SGCZ: variants seen among roughly 807,000 people sequenced by gnomAD.
SGCZ encodes sarcoglycan zeta, also known as zeta-sarcoglycan.
A neutral mutation model predicts 41.3 loss-of-function variants in SGCZ; 40 were observed. The ratio of observed to expected loss-of-function variants is 0.97; its 90% CI spans 0.75 to 1.26. The LOEUF is 1.26. SGCZ is among the 50% of genes most tolerant of loss of function. The pLI is 0.00. For missense variants in SGCZ, 552 were observed against 369.8 expected (o/e 1.49, Z -4.04); for synonymous variants, 206 against 137.5 (o/e 1.50, Z -3.49).
At chr8:14,511,117 G>C (rs545218324) in intron 2 of SGCZ, among the ~76,000 whole-genome samples, 1 of 150,934 alleles carries the variant, frequency 6.6e-6, no homozygotes, top group Non-Finnish European at 1.5e-5. Flanking sequence ...GTGCTGTCAA[G>C]TACCCTTACT....
In SGCZ at chr8:14,099,455, G is replaced by A. The variant is rs554484714; in HGVS notation, c.744+2921C>T. 3.5e-4 allele frequency among the ~76,000 whole-genome samples: 54 copies of A among 152,234 alleles called. 1 individual carries two copies. The South Asian group carries it at 8.3e-3, about 23-fold the overall frequency. The stretch of plus-strand genomic sequence containing the variant: ...CAAAAAATTGTTTTTGGTCAGGTGC[G>A]GTGGCTCACGCCTGTAATCCTTGCA... On this transcript the variant is annotated intron_variant, in intron 7 of 7. Coordinates refer to ENST00000382080, the MANE Select transcript of SGCZ (RefSeq NM_139167.4).
chr8:14,742,416 T>C (rs1799221102), intron 1 of SGCZ, among the ~76,000 whole-genome samples: 1 of 152,204 alleles, frequency 6.6e-6, no homozygotes, highest in Non-Finnish European at 1.5e-5. Context: ...CTTTTCTTAG[T>C]CTGGCCCATG....
At chr8:14,703,449 T>C (rs1809233159) in intron 1 of SGCZ, among the ~76,000 whole-genome samples, 1 of 151,948 alleles carries the variant, frequency 6.6e-6, no homozygotes, top group South Asian at 2.1e-4. Flanking sequence ...GATTTCCCTA[T>C]CTAGAGAATC....
At chr8:14,962,047 T>G (rs781141543) in intron 1 of SGCZ, among the ~76,000 whole-genome samples, 3 of 152,112 alleles carry the variant, frequency 2.0e-5, no homozygotes, top group Non-Finnish European at 4.4e-5. Context: ...GACCAAGTAA[T>G]AAGCATTCAA....
intron 1 of SGCZ, among the ~76,000 whole-genome samples, chr8:14,851,319 A>G (rs1803312905): frequency 6.9e-6 from 1 of 145,646 alleles, no homozygotes; most frequent in Admixed American, 7.2e-5. Context: ...CAGTAAGCCA[A>G]GATCATGCCA....
At chr8:14,777,052 A>G (rs1800426397) in intron 1 of SGCZ, among the ~76,000 whole-genome samples, 1 of 152,194 alleles carries the variant, frequency 6.6e-6, no homozygotes, top group African/African-American at 2.4e-5. Flanking sequence ...GGAGGAATGT[A>G]TGAATCCCAA....
intron 1 of SGCZ, among the ~76,000 whole-genome samples, chr8:14,599,277 T>C (rs1805511115): frequency 6.6e-6 from 1 of 152,184 alleles, no homozygotes; most frequent in East Asian, 1.9e-4. Context: ...TTTGATGCAA[T>C]GTCTATCATT....
chr8:14,996,299 T>G (rs544976500), intron 1 of SGCZ, among the ~76,000 whole-genome samples: 1 of 152,228 alleles, frequency 6.6e-6, no homozygotes, highest in African/African-American at 2.4e-5. Context: ...ACAAAATTAT[T>G]GAAAAGCATG....
At chr8:14,940,748 T>C (rs184954974) in intron 1 of SGCZ, among the ~76,000 whole-genome samples, 1 of 152,176 alleles carries the variant, frequency 6.6e-6, no homozygotes, top group East Asian at 1.9e-4. Flanking sequence ...ATGAAGTGTG[T>C]ATGTGTGTGT....
At chr8:14,217,375 C>A (rs1305682925) in intron 4 of SGCZ, among the ~76,000 whole-genome samples, 1 of 146,856 alleles carries the variant, frequency 6.8e-6, no homozygotes, top group Admixed American at 6.8e-5. Context: ...ACATGTATAA[C>A]TGGTTAAATC....
Position 14,686,570 on chromosome 8 carries a change from C to G in SGCZ, c.40-131644G>C, listed in dbSNP as rs6987164. On this transcript the variant is annotated intron_variant, in intron 1 of 7. Coordinates refer to ENST00000382080, the MANE Select transcript of SGCZ (RefSeq NM_139167.4). ...ATGGGAGGAGGATAGAGATGGGAAA[C>G]AGGAAGACGGCCAGGTTTTCAGCTT... Among the ~76,000 whole-genome samples the G allele has an allele frequency of 3.1e-4, 47 of 151,920 alleles. No homozygotes were observed. In the East Asian group the frequency reaches 7.8e-3, roughly 25 times the overall value.
intron 2 of SGCZ, among the ~76,000 whole-genome samples, chr8:14,453,936 T>G (rs1314453083): frequency 1.3e-5 from 2 of 152,214 alleles, no homozygotes; most frequent in Non-Finnish European, 2.9e-5. Context: ...TAACATAAAT[T>G]ACCAGAAATA....
At chr8:14,785,243 T>C (rs1585258298) in intron 1 of SGCZ, among the ~76,000 whole-genome samples, 1 of 151,696 alleles carries the variant, frequency 6.6e-6, no homozygotes, top group Non-Finnish European at 1.5e-5. Context: ...ATTTCTACTA[T>C]CAGAAATTTA....
At chr8:15,212,427 T>C (rs978432276) in intron 1 of SGCZ, among the ~76,000 whole-genome samples, 2 of 152,132 alleles carry the variant, frequency 1.3e-5, no homozygotes, top group Admixed American at 6.5e-5. Context: ...TCTTATGTTA[T>C]TCGTTTCAAG....
At chr8:15,065,270 G>A (rs950648834) in intron 1 of SGCZ, among the ~76,000 whole-genome samples, 1 of 151,878 alleles carries the variant, frequency 6.6e-6, no homozygotes, top group African/African-American at 2.4e-5. Context: ...GATTCAGTTT[G>A]GTATTCCTTC....
At chr8:14,299,508 T>G (rs1323114066) in intron 3 of SGCZ, among the ~76,000 whole-genome samples, 1 of 151,868 alleles carries the variant, frequency 6.6e-6, no homozygotes, top group African/African-American at 2.4e-5. Flanking sequence ...AATTTAAAAA[T>G]GCAATTCACA....
chr8:14,668,814 A>G (rs1807997831), intron 1 of SGCZ, among the ~76,000 whole-genome samples: 1 of 152,134 alleles, frequency 6.6e-6, no homozygotes, highest in Non-Finnish European at 1.5e-5. Context: ...AATTTGACAA[A>G]CATATATTTA....
intron 2 of SGCZ, among the ~76,000 whole-genome samples, chr8:14,542,275 T>C (rs1803493470): frequency 6.6e-6 from 1 of 152,114 alleles, no homozygotes. Context: ...TTCTAATATC[T>C]TAACCCTCAT....
chr8:15,029,450 A>G (rs1202471270), intron 1 of SGCZ, among the ~76,000 whole-genome samples: 1 of 152,104 alleles, frequency 6.6e-6, no homozygotes, highest in Non-Finnish European at 1.5e-5. Flanking sequence ...AAAAGCTTAA[A>G]GATAAATTAG....
Sources: gnomAD v4.1 joint callset for allele counts (sites outside exome capture counted in the v4.1 genomes callset) on GRCh38, gnomAD v4.1.1 for gene constraint, MANE v1.5 for transcripts, NCBI Gene and HGNC (gene_info 2026-07-23, HGNC 2026-07-21) for gene names.